The following DISC1 variants were observed in gnomAD, a reference collection of about 807,000 sequenced individuals.
DISC1 encodes disrupted in schizophrenia 1 protein.
A neutral mutation model predicts 84.5 loss-of-function variants in DISC1; 57 were observed. The ratio of observed to expected loss-of-function variants is 0.67; its 90% confidence interval spans 0.55 to 0.84. The LOEUF (loss-of-function observed/expected upper bound fraction) is 0.84, where lower values mean the gene tolerates loss of function less well. Among genes scored for constraint, DISC1 ranks in the 40% least tolerant of loss-of-function variants. DISC1 has a pLI of 0.00. For missense variants in DISC1, 1,000 were observed against 1,057.8 expected (o/e 0.95, Z 0.76); for synonymous variants, 411 against 415.2 (o/e 0.99, Z 0.12).
chr1:231,742,650 G>A (rs529650856), intron 3 of DISC1, among the ~76,000 whole-genome samples: 15 of 152,286 alleles, frequency 9.8e-5, no homozygotes, highest in African/African-American at 3.1e-4. Flanking sequence ...GCACATACCT[G>A]TAGTCCAAGT....
chr1:231,774,969 A>AT (rs1251881869), intron 6 of DISC1, among the ~76,000 whole-genome samples: 1 of 152,242 alleles, frequency 6.6e-6, no homozygotes, highest in African/African-American at 2.4e-5. Context: ...CCCATCTTAC[A>AT]TACATCAATA....
intron 4 of DISC1, chr1:231,750,747 C>G: frequency 4.5e-6 from 1 of 224,252 alleles, no homozygotes; most frequent in Non-Finnish European, 7.5e-6. Context: ...ACTGCTCCAT[C>G]TACCTTTGTG....
intron 1 of DISC1, among the ~76,000 whole-genome samples, chr1:231,645,078 T>C (rs2060013418): frequency 6.6e-6 from 1 of 152,180 alleles, no homozygotes; most frequent in African/African-American, 2.4e-5. Context: ...TCCACATTTC[T>C]GCTCAAAACT....
In DISC1 at chr1:231,849,191, G is replaced by A. The variant is rs1054992315; in HGVS notation, c.1981+30674G>A. Among the ~76,000 whole-genome samples, 3 of 149,938 alleles carry A rather than the reference G, an allele frequency of 2.0e-5. No individual in the cohort carries two copies. In the Admixed American group the frequency reaches 2.0e-4, roughly 10 times the overall value. The stretch of plus-strand genomic sequence containing the variant: ...GCTGGAGTGCAATGGCCTGATCTCG[G>A]CTCACTGCAACCTCTGCCTCCCAGG... On this transcript the variant is annotated intron_variant, in intron 9 of 12. Coordinates refer to ENST00000439617, the MANE Select transcript of DISC1 (RefSeq NM_018662.3).
In DISC1 at chr1:231,954,437, G is replaced by A. The variant is rs891852322; in HGVS notation, c.1982-4391G>A. On this transcript the variant is annotated intron_variant, in intron 9 of 12. Transcript: ENST00000439617. This position sits in a 1 kb window ranked among gnomAD's most constrained non-coding sequence, Gnocchi z 4.8. The stretch of plus-strand genomic sequence containing the variant: ...TTTAATTGGATTCATCAAACTAATT[G>A]TATGAATTCCACTCTGTTATCATGG... Among the ~76,000 whole-genome samples the A allele has an allele frequency of 6.6e-6, 1 of 152,126 alleles. No homozygotes were observed. Among genetic ancestry groups the A allele is most frequent in the Non-Finnish European group, 1.5e-5 (1 of 68,040 alleles).
chr1:231,866,465 T>C (rs1240970404), intron 9 of DISC1: 1 of 775,650 alleles, frequency 1.3e-6, no homozygotes, highest in East Asian at 2.4e-5. Context: ...CTAACACTTA[T>C]TACAAGGCTC....
intron 3 of DISC1, among the ~76,000 whole-genome samples, chr1:231,705,234 G>C (rs1485489715): frequency 7.4e-6 from 1 of 134,932 alleles, no homozygotes; most frequent in African/African-American, 2.9e-5. Context: ...GTTGCAGTGA[G>C]CAGAGATTGC....
intron 3 of DISC1, among the ~76,000 whole-genome samples, chr1:231,729,624 C>T (rs935935836): frequency 1.1e-4 from 16 of 151,800 alleles, no homozygotes; most frequent in Non-Finnish European, 2.1e-4. Context: ...AACTAATATT[C>T]TAGCACGCTT....
intron 6 of DISC1, among the ~76,000 whole-genome samples, chr1:231,783,831 C>T (rs538719554): frequency 1.3e-5 from 2 of 152,306 alleles, no homozygotes; most frequent in East Asian, 1.9e-4. Context: ...CGCATCAGCA[C>T]CTCGATCACA....
At chr1:232,032,775 A>T (rs1374300144) in intron 12 of DISC1, among the ~76,000 whole-genome samples, 1 of 152,216 alleles carries the variant, frequency 6.6e-6, no homozygotes, top group Non-Finnish European at 1.5e-5. Flanking sequence ...AATTGTCAAT[A>T]GTTTTGGAAT....
In DISC1 at chr1:232,026,448, T is replaced by A. The variant is rs759294762; in HGVS notation, c.2321T>A (p.Leu774His). The A allele has an allele frequency of 6.2e-7, 1 of 1,603,546 alleles. No homozygotes were observed. Among genetic ancestry groups the A allele is most frequent in the Non-Finnish European group, 8.5e-7 (1 of 1,174,520 alleles). Residue 774 changes from leucine (L) to histidine (H), a missense_variant, in exon 12 of 13, where the codon CTT becomes CAT. This residue lies in a region of DISC1 where 397 missense variants were observed against 377.5 expected (regional missense o/e 1.05). Transcript: ENST00000439617. ...GGEQKEESYILSAELGEKCED... is the reference protein window; with the variant it reads ...GGEQKEESYIHSAELGEKCED... Reference sequence around the variant, plus strand: ...CCCTCTCGCCAGGAATCTTACATCCTTTCTGCAGAACTTGGAGAAAAGTGT... The same window carrying A: ...CCCTCTCGCCAGGAATCTTACATCCATTCTGCAGAACTTGGAGAAAAGTGT...
chr1:231,656,272 G>T (rs1313969158), intron 1 of DISC1, among the ~76,000 whole-genome samples: 1 of 152,118 alleles, frequency 6.6e-6, no homozygotes, highest in Non-Finnish European at 1.5e-5. Context: ...TATAGTGAGA[G>T]ATAGAGATCC....
At chr1:231,970,701 T>A (rs1661824161) in intron 10 of DISC1, among the ~76,000 whole-genome samples, 1 of 152,218 alleles carries the variant, frequency 6.6e-6, no homozygotes, top group Admixed American at 6.5e-5. Flanking sequence ...TGATTATCAC[T>A]TAAAAGAAAA....
chr1:231,951,842 G>A (rs553496127), intron 9 of DISC1, among the ~76,000 whole-genome samples: 1 of 151,980 alleles, frequency 6.6e-6, no homozygotes, highest in East Asian at 1.9e-4. Context: ...GAAGTGAGAG[G>A]ACTGCTTGAG....
At chr1:231,809,587 A>G (rs2080092755) in intron 8 of DISC1, among the ~76,000 whole-genome samples, 1 of 150,944 alleles carries the variant, frequency 6.6e-6, no homozygotes, top group Admixed American at 6.6e-5. Flanking sequence ...AATAAAAACT[A>G]TCTATACCCA....
intron 9 of DISC1, among the ~76,000 whole-genome samples, chr1:231,893,815 T>G (rs1258475185): frequency 5.8e-4 from 89 of 152,176 alleles, no homozygotes; most frequent in Non-Finnish European, 8.8e-5. Flanking sequence ...TTACTCTGCC[T>G]GTACTGAAGA....
rs536855161 is a variant in DISC1, at chr1:232,040,651, T to A, written c.*3820T>A. 6.6e-6 allele frequency: 1 copy of A among 152,332 alleles called. No homozygotes were observed. Among genetic ancestry groups the A allele is most frequent in the Admixed American group, 6.5e-5 (1 of 15,302 alleles). 9.4% of individuals were successfully genotyped at this position (152,332 alleles called of 1,614,324 possible). On this transcript the variant is annotated 3_prime_UTR_variant, in exon 13 of 13. Coordinates refer to ENST00000439617, the MANE Select transcript of DISC1 (RefSeq NM_018662.3). ...GTTCCTTTAATGTCCTTTTGAGATT[T>A]TGAGCCATGGAACTTACTTGTTCAC...
intron 10 of DISC1, among the ~76,000 whole-genome samples, chr1:231,972,604 G>C (rs542898312): frequency 9.2e-5 from 14 of 152,324 alleles, no homozygotes; most frequent in African/African-American, 3.4e-4. Context: ...AATATCCAGA[G>C]ATACAAATCT....
intron 8 of DISC1, among the ~76,000 whole-genome samples, chr1:231,807,275 C>T (rs755688978): frequency 6.6e-6 from 1 of 152,240 alleles, no homozygotes; most frequent in Non-Finnish European, 1.5e-5. Context: ...TGTCCTGGGA[C>T]GAAGGCTCAG....
Sources: allele counts gnomAD v4.1 joint callset (sites outside exome capture counted in the v4.1 genomes callset), GRCh38; gene constraint gnomAD v4.1.1; regional missense constraint gnomAD v4.1.1; non-coding constraint Gnocchi (gnomAD v3.1); transcripts MANE v1.5; gene names NCBI Gene and HGNC (gene_info 2026-07-23, HGNC 2026-07-21).